The following ITSN1 variants were observed in gnomAD, a reference collection of about 807,000 sequenced individuals.
The protein encoded by ITSN1 is intersectin-1.
ITSN1 carries 58 observed loss-of-function variants against 239.8 expected under a neutral mutation model. The ratio of observed to expected loss-of-function variants is 0.24; its 90% CI spans 0.20 to 0.30. The LOEUF (loss-of-function observed/expected upper bound fraction) is 0.30, where lower values mean the gene tolerates loss of function less well. Ranked by LOEUF, ITSN1 falls within the 10% of genes least tolerant of loss-of-function variation. ITSN1 has a pLI of 1.00. For synonymous variants in ITSN1, 780 were observed against 770.8 expected (o/e 1.01, Z -0.20); for missense variants, 1,558 against 2,103.3 (o/e 0.74, Z 5.07).
intron 19 of ITSN1, 103 bp from the exon 20 acceptor site, chr21:33,802,327 C>T (rs111347062): frequency 1.5e-5 from 18 of 1,167,074 alleles, no homozygotes; most frequent in African/African-American, 1.2e-4. Flanking sequence ...TAGTTAACCA[C>T]CAGCTTGATG....
At chr21:33,866,501 C>T (rs1014014762) in intron 32 of ITSN1, among the ~76,000 whole-genome samples, 1 of 96,814 alleles carries the variant, frequency 1.0e-5, no homozygotes, top group Non-Finnish European at 2.7e-5. Context: ...CGCCCCTCTC[C>T]TCTTCACCTC....
intron 17 of ITSN1, among the ~76,000 whole-genome samples, chr21:33,796,338 T>C (rs532087230): frequency 6.6e-6 from 1 of 152,376 alleles, no homozygotes; most frequent in East Asian, 1.9e-4. Context: ...AAAATGTTTT[T>C]ATACTTTCTT....
intron 4 of ITSN1, among the ~76,000 whole-genome samples, chr21:33,723,431 G>A (rs940167508): frequency 1.0e-3 from 156 of 152,188 alleles, no homozygotes; most frequent in African/African-American, 3.3e-3. Context: ...TGGATAACAC[G>A]GTGAAACCCC....
At chr21:33,679,521 TTTTG>T (rs2090803591) in intron 1 of ITSN1, among the ~76,000 whole-genome samples, 1 of 152,184 alleles carries the variant, frequency 6.6e-6, no homozygotes, top group Non-Finnish European at 1.5e-5. Context: ...TGCCTTTAGT[TTTTG>T]TTATGTGTAT....
At chr21:33,759,871 G>A (rs1001522695) in intron 8 of ITSN1, among the ~76,000 whole-genome samples, 7 of 152,086 alleles carry the variant, frequency 4.6e-5, no homozygotes, top group African/African-American at 9.7e-5. Flanking sequence ...AGGCCAAGGC[G>A]GGTGGATCAC....
At chr21:33,777,535 G>A (rs1263258688) in intron 14 of ITSN1, among the ~76,000 whole-genome samples, 1 of 152,168 alleles carries the variant, frequency 6.6e-6, no homozygotes, top group East Asian at 1.9e-4. Flanking sequence ...AATTTGGGAA[G>A]ATTTGACATC....
At chr21:33,745,723 A>T (rs2067137980) in intron 5 of ITSN1, among the ~76,000 whole-genome samples, 1 of 152,168 alleles carries the variant, frequency 6.6e-6, no homozygotes, top group Non-Finnish European at 1.5e-5. Flanking sequence ...TGGAAATGAC[A>T]ATTCTGGCCA....
rs540799894 is a variant in ITSN1 at position 33,680,351 on chromosome 21, A to G, written c.-33+37638A>G. 1.3e-4 allele frequency among the ~76,000 whole-genome samples: 16 copies of G among 118,820 alleles called. No individual in the cohort carries two copies. The South Asian group carries it at 3.9e-3, about 29-fold the overall frequency. 78.0% of individuals were successfully genotyped at this position (118,820 alleles called of 152,430 possible). A position where few individuals can be genotyped will look rare whatever the true frequency, so the allele number is the denominator to read the frequency against. The stretch of plus-strand genomic sequence containing the variant: ...TTCTTTTTTCTTTTTTTTTTTTTTG[A>G]GACAGGGTCTCTGTCTGTTGCCCAA... On this transcript the variant is annotated intron_variant, in intron 1 of 39. Transcript: ENST00000381318.
chr21:33,756,562 TTA>T (rs2147566193), intron 8 of ITSN1, among the ~76,000 whole-genome samples: 1 of 152,298 alleles, frequency 6.6e-6, no homozygotes, highest in South Asian at 2.1e-4. Flanking sequence ...AAAAGGTATC[TTA>T]TGTTTAAAAA....
chr21:33,867,637 T>A (rs1397301256), intron 33 of ITSN1, among the ~76,000 whole-genome samples: 2 of 61,278 alleles, frequency 3.3e-5, no homozygotes, highest in Admixed American at 2.7e-4. Flanking sequence ...CCTATCTCTA[T>A]TAAAAAAAAA....
intron 1 of ITSN1, among the ~76,000 whole-genome samples, chr21:33,692,330 G>T (rs1342959521): frequency 6.6e-6 from 1 of 152,164 alleles, no homozygotes; most frequent in Non-Finnish European, 1.5e-5. Flanking sequence ...ATTCTAGCTG[G>T]CGTGCTTTCT....
intron 29 of ITSN1, among the ~76,000 whole-genome samples, chr21:33,854,801 G>A (rs937076754): frequency 3.3e-5 from 5 of 152,190 alleles, no homozygotes; most frequent in Admixed American, 2.6e-4. Flanking sequence ...AAAAGTGCGA[G>A]CTCACCTTGC....
Position 33,797,520 on chromosome 21 carries a change from A to T in ITSN1, c.2094A>T (p.Lys698Asn). 1 of 1,614,186 alleles carries T rather than the reference A, an allele frequency of 6.2e-7. No homozygotes were observed. Among genetic ancestry groups the T allele is most frequent in the South Asian group, 1.1e-5 (1 of 91,078 alleles). ...AGAAGGATGGCGAGGAAAAAGGCAA[A>T]CAGGAAGCACAAGACAAGCTGGGTC... The part of the protein sequence containing the change: ...VKKKDGEEKG[K>N]QEAQDKLGRL... The change falls in exon 18 of 40, where the codon AAA (lysine) becomes AAT (asparagine). Residue 698 changes from lysine (K) to asparagine (N), a missense_variant. By Grantham distance (94) the Lys-to-Asn change is moderately conservative. Around this residue, in one of 2 missense-constraint regions of ITSN1, gnomAD observed 982 missense variants for 1,209.9 expected, o/e 0.81. Coordinates refer to ENST00000381318, the MANE Select transcript of ITSN1 (RefSeq NM_003024.3). The surrounding 1 kb of genome is among the most constrained non-coding windows in gnomAD (Gnocchi z 4.9).
At chr21:33,684,240 G>A (rs560442174) in intron 1 of ITSN1, among the ~76,000 whole-genome samples, 7 of 152,182 alleles carry the variant, frequency 4.6e-5, no homozygotes, top group African/African-American at 1.7e-4. Context: ...TGTCCATTAG[G>A]GTCAACTCAC....
intron 26 of ITSN1, chr21:33,828,975 C>T: frequency 2.1e-6 from 1 of 471,620 alleles, no homozygotes; most frequent in Non-Finnish European, 4.4e-6. Context: ...CAGGTCCCTC[C>T]TGTAACGTGA....
intron 1 of ITSN1, among the ~76,000 whole-genome samples, chr21:33,703,411 T>G (rs2092112784): frequency 2.6e-5 from 4 of 152,196 alleles, no homozygotes; most frequent in Admixed American, 2.6e-4. Flanking sequence ...ATTCTAGCTT[T>G]GGTTTAAAAA....
chr21:33,731,533 A>ATTTTT (rs2066185407), intron 4 of ITSN1, among the ~76,000 whole-genome samples: 1 of 152,268 alleles, frequency 6.6e-6, no homozygotes, highest in Non-Finnish European at 1.5e-5. Context: ...ACCAGAAGCC[A>ATTTTT]GTTTCATTTA....
At chr21:33,651,768 T>TA (rs1000937082) in intron 1 of ITSN1, among the ~76,000 whole-genome samples, 13 of 152,230 alleles carry the variant, frequency 8.5e-5, no homozygotes, top group Admixed American at 2.6e-4. Flanking sequence ...ATCTGTTTTG[T>TA]AAAATGCTGC....
chr21:33,882,127 A>T lies in ITSN1; in HGVS notation c.4342-116A>T. On this transcript the variant is annotated intron_variant, in intron 34 of 39. Transcript: ENST00000381318. This position sits in a 1 kb window ranked among gnomAD's most constrained non-coding sequence, Gnocchi z 4.5. ...TCCAAAGTCTTCAAAGCTATCCTTG[A>T]CTTTTGCCTGAGATCCGAGTCTGCT... 1.2e-6 allele frequency: 1 copy of T among 821,490 alleles called. No individual in the cohort carries two copies. The highest frequency in any genetic ancestry group is 1.8e-5 in the South Asian group (1 of 55,166). The allele number at this position is 821,490 out of a possible 1,614,324, so 50.9% of individuals were successfully genotyped here.
Sources: gnomAD v4.1 joint callset for allele counts (sites outside exome capture counted in the v4.1 genomes callset) on GRCh38, gnomAD v4.1.1 for gene constraint, gnomAD v4.1.1 regional missense constraint, Gnocchi (gnomAD v3.1) non-coding constraint, MANE v1.5 for transcripts, NCBI Gene and HGNC (gene_info 2026-07-23, HGNC 2026-07-21) for gene names.